The following CAST variants were observed in gnomAD, a reference collection of about 807,000 sequenced individuals.
CAST encodes the protein calpastatin.
In CAST, 76 loss-of-function variants were observed where a neutral mutation model predicts 119.6. The observed-to-expected ratio is 0.64, with a 90% CI of 0.53 to 0.77. The LOEUF is 0.77. CAST is among the 30% of genes least tolerant of loss of function. CAST has a pLI of 0.00. For synonymous variants in CAST, 319 were observed against 331.6 expected (o/e 0.96, Z 0.41); for missense variants, 953 against 946.5 (o/e 1.01, Z -0.09).
chr5:96,522,901 C>A (rs1247434570), upstream of CAST, among the ~76,000 whole-genome samples: 5 of 152,144 alleles, frequency 3.3e-5, no homozygotes, highest in African/African-American at 4.8e-5. Context: ...AGTCGGGCAC[C>A]CAAGCTTAGT....
chr5:96,065,185 TG>T, the CAST span, among the ~76,000 whole-genome samples: 3 of 151,936 alleles, frequency 2.0e-5, no homozygotes, highest in Non-Finnish European at 4.4e-5. Context: ...TATAAGTCTT[TG>T]GCTTTTTTTT....
At chr5:96,103,109 A>G in the CAST span, among the ~76,000 whole-genome samples, 3 of 152,334 alleles carry the variant, frequency 2.0e-5, no homozygotes, top group African/African-American at 7.2e-5. Flanking sequence ...TTGTTTTTTA[A>G]TAAAAAATAT....
At chr5:96,107,555 A>G in the CAST span, among the ~76,000 whole-genome samples, 1 of 151,210 alleles carries the variant, frequency 6.6e-6, no homozygotes, top group African/African-American at 2.4e-5. Context: ...ACTGGCCCCC[A>G]CTCTCTTCTG....
At chr5:95,975,382 G>A in the CAST span, among the ~76,000 whole-genome samples, 173 of 152,228 alleles carry the variant, frequency 1.1e-3, no homozygotes, top group African/African-American at 4.0e-3. Flanking sequence ...CAGAGGTTTT[G>A]ATTTATTAGG....
chr5:96,136,355 G>T, the CAST span, among the ~76,000 whole-genome samples: 1 of 72,280 alleles, frequency 1.4e-5, no homozygotes, highest in Non-Finnish European at 3.3e-5. Context: ...CTTTTGTTTT[G>T]TTTTGTTTTG....
At chr5:96,637,521 G>T (rs1747902010) in intron 1 of CAST, among the ~76,000 whole-genome samples, 1 of 152,144 alleles carries the variant, frequency 6.6e-6, no homozygotes, top group African/African-American at 2.4e-5. Context: ...CTGTTGTATG[G>T]CAAGTAATCA....
At chr5:96,142,455 G>A in the CAST span, among the ~76,000 whole-genome samples, 6 of 152,132 alleles carry the variant, frequency 3.9e-5, no homozygotes, top group Non-Finnish European at 7.3e-5. Context: ...TGTTTACATC[G>A]ACTAACACTT....
the CAST span, among the ~76,000 whole-genome samples, chr5:96,218,632 CTT>C: frequency 6.6e-6 from 1 of 152,202 alleles, no homozygotes; most frequent in Non-Finnish European, 1.5e-5. Flanking sequence ...ACTCAGCACT[CTT>C]TTATATTGCC....
the CAST span, among the ~76,000 whole-genome samples, chr5:96,167,529 G>A: frequency 0.016 from 2,426 of 152,302 alleles, 53 homozygotes; most frequent in African/African-American, 0.055. Flanking sequence ...AGTGGTAAAA[G>A]TATTGTCCAG....
intron 1 of CAST, among the ~76,000 whole-genome samples, chr5:96,621,286 T>C (rs1352087063): frequency 6.6e-6 from 1 of 152,250 alleles, no homozygotes; most frequent in Non-Finnish European, 1.5e-5. Flanking sequence ...CAGCTGCCCA[T>C]GTGAGCAAAT....
the CAST span, among the ~76,000 whole-genome samples, chr5:96,514,584 C>T: frequency 6.6e-6 from 1 of 152,236 alleles, no homozygotes; most frequent in East Asian, 1.9e-4. Context: ...CAGATTTCTA[C>T]TCAAATTTAA....
chr5:96,307,442 C>T, the CAST span, among the ~76,000 whole-genome samples: 1 of 152,174 alleles, frequency 6.6e-6, no homozygotes, highest in Non-Finnish European at 1.5e-5. Flanking sequence ...GGGCATCTAG[C>T]CCATTTACAT....
chr5:96,127,000 A>T, the CAST span, among the ~76,000 whole-genome samples: 1 of 152,098 alleles, frequency 6.6e-6, no homozygotes, highest in Non-Finnish European at 1.5e-5. Context: ...TGACTTTTGT[A>T]TGTTAGGGGC....
chr5:96,136,839 C>T, the CAST span, among the ~76,000 whole-genome samples: 8 of 152,138 alleles, frequency 5.3e-5, no homozygotes, highest in African/African-American at 1.7e-4. Context: ...AACCCATACT[C>T]GCAGGGGAAA....
the CAST span, among the ~76,000 whole-genome samples, chr5:96,086,116 T>C: frequency 1.3e-5 from 2 of 152,222 alleles, no homozygotes; most frequent in South Asian, 2.1e-4. Flanking sequence ...TTGCTTATAA[T>C]ATCTAATACA....
chr5:96,729,509 C>G (rs1020557453), intron 7 of CAST, 103 bp from the exon 8 acceptor site: 1 of 658,458 alleles, frequency 1.5e-6, no homozygotes, highest in Non-Finnish European at 2.8e-6. Flanking sequence ...CTGTTATGAA[C>G]AATTTTTATT....
At chr5:96,736,115 T>C (rs1479155603) in intron 9 of CAST, 57 bp from the exon 10 acceptor site, 1 of 1,013,050 alleles carries the variant, frequency 9.9e-7, no homozygotes, top group African/African-American at 1.6e-5. Context: ...AAATTTGTAA[T>C]AGTATTGAGT....
At chr5:96,074,714 G>A in the CAST span, among the ~76,000 whole-genome samples, 1 of 152,170 alleles carries the variant, frequency 6.6e-6, no homozygotes, top group African/African-American at 2.4e-5. Flanking sequence ...TCTGAGATGG[G>A]GAAGAAAGAA....
the CAST span, among the ~76,000 whole-genome samples, chr5:96,122,304 T>C: frequency 2.8e-4 from 43 of 152,300 alleles, no homozygotes. Context: ...AGAGAATACT[T>C]CTTGTGTTGA....
Sources: gnomAD v4.1 joint callset for allele counts (sites outside exome capture counted in the v4.1 genomes callset) on GRCh38, gnomAD v4.1.1 for gene constraint, MANE v1.5 for transcripts, NCBI Gene and HGNC (gene_info 2026-07-23, HGNC 2026-07-21) for gene names.